KCNIP4: variants seen among roughly 807,000 people sequenced by gnomAD.
The protein encoded by KCNIP4 is Kv channel-interacting protein 4.
In KCNIP4, 12 loss-of-function variants were observed where a neutral mutation model predicts 34.0. The ratio of observed to expected loss-of-function variants is 0.35; its 90% confidence interval spans 0.23 to 0.57. The LOEUF (loss-of-function observed/expected upper bound fraction) is 0.57. Among genes scored for constraint, KCNIP4 ranks in the 20% least tolerant of loss-of-function variants. The probability of loss-of-function intolerance (pLI) is 0.83; values close to 1 mark genes in which losing one functional copy is unlikely to be tolerated. For missense variants in KCNIP4, 238 were observed against 311.7 expected (o/e 0.76, Z 1.78); for synonymous variants, 124 against 102.2 (o/e 1.21, Z -1.29).
chr4:21,417,674 T>A (rs1261374644), intron 1 of KCNIP4, among the ~76,000 whole-genome samples: 1 of 152,132 alleles, frequency 6.6e-6, no homozygotes, highest in Non-Finnish European at 1.5e-5. Context: ...GAGAGCACGG[T>A]GTTTTTAGCA....
chr4:21,261,758 T>C (rs1342814545), intron 1 of KCNIP4, among the ~76,000 whole-genome samples: 1 of 152,068 alleles, frequency 6.6e-6, no homozygotes, highest in East Asian at 1.9e-4. Context: ...ATCAACCTCT[T>C]CCCATCTTCA....
At chr4:21,187,225 G>A (rs761129976) in intron 1 of KCNIP4, among the ~76,000 whole-genome samples, 1 of 151,974 alleles carries the variant, frequency 6.6e-6, no homozygotes, top group Non-Finnish European at 1.5e-5. Context: ...ACCATGCCAT[G>A]GCACTTAAAA....
intron 1 of KCNIP4, among the ~76,000 whole-genome samples, chr4:21,322,150 A>T (rs1327187217): frequency 1.5e-5 from 2 of 137,902 alleles, no homozygotes; most frequent in African/African-American, 2.7e-5. Context: ...GGAGGGAGGG[A>T]CAGAAGGAAG....
intron 1 of KCNIP4, among the ~76,000 whole-genome samples, chr4:21,920,741 C>A (rs1728894056): frequency 6.6e-6 from 1 of 152,072 alleles, no homozygotes; most frequent in East Asian, 1.9e-4. Context: ...AATGGAGATC[C>A]TATAACCAAT....
intron 2 of KCNIP4, among the ~76,000 whole-genome samples, chr4:20,880,808 A>G (rs1489683858): frequency 6.6e-6 from 1 of 152,228 alleles, no homozygotes; most frequent in Non-Finnish European, 1.5e-5. Context: ...CTGCAGCTTC[A>G]ATATCATGTA....
intron 1 of KCNIP4, among the ~76,000 whole-genome samples, chr4:21,894,833 G>C (rs1727294011): frequency 1.3e-5 from 2 of 152,136 alleles, no homozygotes; most frequent in Non-Finnish European, 1.5e-5. Flanking sequence ...ACTACTTAGT[G>C]CAGAGAAAAT....
Position 21,697,319 on chromosome 4 carries a change from A to G in KCNIP4, c.61+251252T>C, listed in dbSNP as rs1226446105. 6.9e-5 allele frequency: 12 copies of G among 174,600 alleles called. No homozygotes were observed. The Admixed American group carries it at 8.9e-4, about 13-fold the overall frequency. 10.8% of individuals were successfully genotyped at this position (174,600 alleles called of 1,614,324 possible). ...ACCATGCTCTACTAGCCTCTACTAA[A>G]AAAAAAAAAAAAAAAAAAAAAAGTC... On this transcript the variant is annotated intron_variant, in intron 1 of 8. Coordinates refer to ENST00000382152, the MANE Select transcript of KCNIP4 (RefSeq NM_025221.6).
intron 1 of KCNIP4, among the ~76,000 whole-genome samples, chr4:21,681,233 T>C (rs1398786146): frequency 6.6e-6 from 1 of 151,958 alleles, no homozygotes; most frequent in Non-Finnish European, 1.5e-5. Flanking sequence ...CTCGAGTAGC[T>C]GGGACAACGT....
chr4:21,516,614 A>G (rs1734785820), intron 1 of KCNIP4, among the ~76,000 whole-genome samples: 1 of 152,220 alleles, frequency 6.6e-6, no homozygotes, highest in African/African-American at 2.4e-5. Context: ...GAGCTGAAGA[A>G]TACTCAGGTC....
chr4:21,411,613 G>C (rs1724515283), intron 1 of KCNIP4, among the ~76,000 whole-genome samples: 1 of 152,110 alleles, frequency 6.6e-6, no homozygotes. Context: ...CCAGGAGTTT[G>C]AGACCAGCCT....
chr4:21,512,978 C>A (rs938458271), intron 1 of KCNIP4, among the ~76,000 whole-genome samples: 1 of 152,174 alleles, frequency 6.6e-6, no homozygotes, highest in Non-Finnish European at 1.5e-5. Context: ...TGAGATAACA[C>A]ACTAGGAAGT....
intron 1 of KCNIP4, among the ~76,000 whole-genome samples, chr4:21,146,385 G>A (rs141116068): frequency 2.3e-4 from 35 of 149,998 alleles, no homozygotes; most frequent in African/African-American, 8.6e-4. Flanking sequence ...GCGACAGAGC[G>A]AGACTCGTCT....
At chr4:21,714,439 A>AGAAGATGGGAC (rs1713991638) in intron 1 of KCNIP4, among the ~76,000 whole-genome samples, 1 of 151,922 alleles carries the variant, frequency 6.6e-6, no homozygotes, top group East Asian at 1.9e-4. Flanking sequence ...GGAAGGGGGC[A>AGAAGATGGGAC]AAAAGAAGAT....
At chr4:21,438,196 G>A (rs1727129259) in intron 1 of KCNIP4, among the ~76,000 whole-genome samples, 1 of 152,106 alleles carries the variant, frequency 6.6e-6, no homozygotes, top group South Asian at 2.1e-4. Flanking sequence ...GTTCGAATGA[G>A]GCCCAGGAAA....
chr4:20,989,584 G>A (rs1252642045), intron 1 of KCNIP4, among the ~76,000 whole-genome samples: 1 of 152,196 alleles, frequency 6.6e-6, no homozygotes, highest in Non-Finnish European at 1.5e-5. Flanking sequence ...TATCCGGAAG[G>A]TTGCATTGAA....
chr4:20,810,495 CTG>C (rs1421909684), intron 3 of KCNIP4, among the ~76,000 whole-genome samples: 1 of 151,624 alleles, frequency 6.6e-6, no homozygotes, highest in African/African-American at 2.4e-5. Flanking sequence ...GAGAGACCAA[CTG>C]AGACTAAAGC....
At chr4:21,408,879 A>G (rs1724232147) in intron 1 of KCNIP4, among the ~76,000 whole-genome samples, 1 of 152,168 alleles carries the variant, frequency 6.6e-6, no homozygotes, top group Non-Finnish European at 1.5e-5. Flanking sequence ...TACTTTTAGT[A>G]AAGGTTAGTT....
chr4:21,111,242 C>T (rs959716787), intron 1 of KCNIP4, among the ~76,000 whole-genome samples: 35 of 152,202 alleles, frequency 2.3e-4, no homozygotes, highest in Admixed American at 2.0e-4. Context: ...AAAGAGAGAA[C>T]GAAAGAATTG....
chr4:21,255,664 A>C (rs1425331), intron 1 of KCNIP4, among the ~76,000 whole-genome samples: 1 of 149,872 alleles, frequency 6.7e-6, no homozygotes, highest in Non-Finnish European at 1.5e-5. Context: ...AAAAAAACTA[A>C]TTCAGGATGT....
Sources: gnomAD v4.1 joint callset for allele counts (sites outside exome capture counted in the v4.1 genomes callset) on GRCh38, gnomAD v4.1.1 for gene constraint, MANE v1.5 for transcripts, NCBI Gene and HGNC (gene_info 2026-07-23, HGNC 2026-07-21) for gene names.